The following PCSK2 variants were observed in gnomAD, a reference collection of about 807,000 sequenced individuals.
The protein encoded by PCSK2 is neuroendocrine convertase 2.
Under a neutral mutation model 69.7 loss-of-function variants are expected in PCSK2, and 14 were observed. That is an observed-to-expected ratio of 0.20 (90% CI 0.13 to 0.31). The LOEUF (loss-of-function observed/expected upper bound fraction) is 0.31, where lower values mean the gene tolerates loss of function less well. Ranked by LOEUF, PCSK2 falls within the 10% of genes least tolerant of loss-of-function variation. The probability of loss-of-function intolerance (pLI) is 1.00; values close to 1 mark genes in which losing one functional copy is unlikely to be tolerated. For missense variants in PCSK2, 544 were observed against 842.5 expected, an observed-to-expected ratio of 0.65 and a Z score of 4.39; for synonymous variants, 307 against 320.7, an observed-to-expected ratio of 0.96 and a Z score of 0.46.
At chr20:17,240,832 G>A (rs986424284) in intron 1 of PCSK2, among the ~76,000 whole-genome samples, 2 of 152,140 alleles carry the variant, frequency 1.3e-5, no homozygotes, top group East Asian at 1.9e-4. Context: ...TCCCTCATAG[G>A]AGTGTCACAC....
chr20:17,436,031 G>A (rs1476714633), intron 7 of PCSK2, among the ~76,000 whole-genome samples: 1 of 152,212 alleles, frequency 6.6e-6, no homozygotes, highest in Non-Finnish European at 1.5e-5. Flanking sequence ...CATTCTGTGA[G>A]AAATCACTCC....
intron 6 of PCSK2, among the ~76,000 whole-genome samples, chr20:17,420,668 C>T (rs2032104653): frequency 6.6e-6 from 1 of 152,064 alleles, no homozygotes; most frequent in Non-Finnish European, 1.5e-5. Flanking sequence ...TGTGTACATG[C>T]CATATAGAGA....
intron 6 of PCSK2, among the ~76,000 whole-genome samples, chr20:17,414,048 T>C (rs1303539271): frequency 6.6e-6 from 1 of 152,108 alleles, no homozygotes; most frequent in East Asian, 1.9e-4. Flanking sequence ...TAGAGGGAAA[T>C]TTATAGCACT....
At chr20:17,457,389 GGA>G (rs1203607901) in intron 10 of PCSK2, among the ~76,000 whole-genome samples, 1 of 152,172 alleles carries the variant, frequency 6.6e-6, no homozygotes, top group Non-Finnish European at 1.5e-5. Context: ...AAAGGAGGCA[GGA>G]GTTGGTTCCT....
At chr20:17,303,389 T>C (rs1422053611) in intron 2 of PCSK2, among the ~76,000 whole-genome samples, 3 of 126,346 alleles carry the variant, frequency 2.4e-5, no homozygotes, top group Non-Finnish European at 3.2e-5. Flanking sequence ...ATTAATATAA[T>C]ATATAATATA....
chr20:17,378,553 A>G (rs1209926560), intron 5 of PCSK2, among the ~76,000 whole-genome samples: 4 of 152,148 alleles, frequency 2.6e-5, no homozygotes, highest in African/African-American at 9.7e-5. Context: ...ATTAAGAGAG[A>G]CTTCATAAAT....
intron 5 of PCSK2, among the ~76,000 whole-genome samples, chr20:17,371,768 G>A (rs2030771508): frequency 6.6e-6 from 1 of 151,928 alleles, no homozygotes; most frequent in South Asian, 2.1e-4. Context: ...AATTTTAAGG[G>A]CTACATGGCA....
At chr20:17,317,381 T>C (rs980084736) in intron 2 of PCSK2, among the ~76,000 whole-genome samples, 6 of 152,246 alleles carry the variant, frequency 3.9e-5, no homozygotes, top group Non-Finnish European at 7.3e-5. Flanking sequence ...ATTTGAATTA[T>C]CCAAAGCTCC....
intron 2 of PCSK2, among the ~76,000 whole-genome samples, chr20:17,308,123 G>A (rs965806603): frequency 4.6e-5 from 7 of 151,272 alleles, no homozygotes; most frequent in Admixed American, 1.3e-4. Flanking sequence ...AAGAGTGAGG[G>A]GAAGGTGCTA....
intron 5 of PCSK2, among the ~76,000 whole-genome samples, chr20:17,378,473 C>T (rs2030991933): frequency 6.6e-6 from 1 of 152,242 alleles, no homozygotes; most frequent in Admixed American, 6.5e-5. Context: ...GGCTTAAAGA[C>T]CAGGGTAATG....
intron 5 of PCSK2, among the ~76,000 whole-genome samples, chr20:17,398,739 T>TTGGGTTTG (rs1358690040): frequency 6.6e-6 from 1 of 151,618 alleles, no homozygotes; most frequent in Admixed American, 6.6e-5. Flanking sequence ...AGAGGTTCTG[T>TTGGGTTTG]TGGGTTTGTT....
chr20:17,311,017 AAT>A (rs1555787256), intron 2 of PCSK2, among the ~76,000 whole-genome samples: 1 of 151,196 alleles, frequency 6.6e-6, no homozygotes, highest in African/African-American at 2.4e-5. Flanking sequence ...AAAAAAAAAA[AAT>A]CATGGAAAAA....
chr20:17,404,473 C>A (rs1268562619), intron 5 of PCSK2, among the ~76,000 whole-genome samples: 1 of 152,180 alleles, frequency 6.6e-6, no homozygotes, highest in African/African-American at 2.4e-5. Flanking sequence ...GTGGTGGAAA[C>A]CACGGTGGCA....
chr20:17,461,071 G>A (rs186525449), intron 10 of PCSK2, among the ~76,000 whole-genome samples: 4 of 152,288 alleles, frequency 2.6e-5, no homozygotes, highest in Admixed American at 2.6e-4. Context: ...TGTCTTGCCT[G>A]TGGGGCTCAC....
chr20:17,417,102 A>C (rs931108545), intron 6 of PCSK2, among the ~76,000 whole-genome samples: 14 of 152,220 alleles, frequency 9.2e-5, no homozygotes, highest in African/African-American at 3.1e-4. Flanking sequence ...GCAGCAAATC[A>C]ACATGGCACA....
intron 2 of PCSK2, among the ~76,000 whole-genome samples, chr20:17,269,216 C>T (rs1019563688): frequency 1.1e-4 from 17 of 152,156 alleles, no homozygotes; most frequent in African/African-American, 2.9e-4. Context: ...GAGAGGCATC[C>T]ATCTATTGTT....
chr20:17,238,338 A>G (rs1986421855), intron 1 of PCSK2, among the ~76,000 whole-genome samples: 1 of 152,206 alleles, frequency 6.6e-6, no homozygotes. Context: ...TACCTAGCCA[A>G]TCAAGTCTGC....
intron 5 of PCSK2, among the ~76,000 whole-genome samples, chr20:17,369,940 C>T (rs1170063350): frequency 6.6e-6 from 1 of 152,204 alleles, no homozygotes; most frequent in Non-Finnish European, 1.5e-5. Context: ...TCCCCCATAA[C>T]ATTGAGAATT....
At chr20:17,431,006 T>C (rs2032353562) in intron 7 of PCSK2, among the ~76,000 whole-genome samples, 1 of 152,172 alleles carries the variant, frequency 6.6e-6, no homozygotes, top group Non-Finnish European at 1.5e-5. Context: ...CACCTGAGCA[T>C]TGAGTGCTCA....
Sources: gnomAD v4.1 joint callset for allele counts (sites outside exome capture counted in the v4.1 genomes callset) on GRCh38, gnomAD v4.1.1 for gene constraint, MANE v1.5 for transcripts, NCBI Gene and HGNC (gene_info 2026-07-23, HGNC 2026-07-21) for gene names.